The following TNS3 variants were observed in gnomAD, a reference collection of about 807,000 sequenced individuals.
TNS3 encodes tensin-3.
Under a neutral mutation model 140.9 loss-of-function variants are expected in TNS3, and 45 were observed. The observed-to-expected ratio is 0.32, with a 90% CI of 0.25 to 0.41. The LOEUF (loss-of-function observed/expected upper bound fraction) is 0.41, where lower values mean the gene tolerates loss of function less well. Among genes scored for constraint, TNS3 ranks in the 10% least tolerant of loss-of-function variants. TNS3 has a pLI of 1.00. For missense variants in TNS3, 1,716 were observed against 1,906.7 expected (o/e 0.90, Z 1.86); for synonymous variants, 815 against 788.4 (o/e 1.03, Z -0.56).
intron 17 of TNS3, among the ~76,000 whole-genome samples, chr7:47,362,849 C>G (rs1361418842): frequency 7.2e-6 from 1 of 139,622 alleles, no homozygotes; most frequent in South Asian, 2.4e-4. Context: ...GTCATCATCA[C>G]CATCACCATT....
intron 20 of TNS3, among the ~76,000 whole-genome samples, chr7:47,338,776 T>C (rs1788776427): frequency 6.6e-6 from 1 of 152,254 alleles, no homozygotes; most frequent in Admixed American, 6.5e-5. Context: ...AGGTCTTTGC[T>C]ATTGTGAATT....
intron 15 of TNS3, among the ~76,000 whole-genome samples, chr7:47,397,241 T>A (rs17626611): frequency 2.0e-5 from 3 of 152,030 alleles, no homozygotes; most frequent in African/African-American, 7.2e-5. Flanking sequence ...AGCCTCAGAG[T>A]CCACAGATTT....
chr7:47,413,509 A>G (rs2151422249), intron 12 of TNS3, among the ~76,000 whole-genome samples: 2 of 151,758 alleles, frequency 1.3e-5, no homozygotes, highest in African/African-American at 4.8e-5. Flanking sequence ...GGAGGCCGAG[A>G]CGGGTAGATC....
chr7:47,539,523 A>T, intron 1 of TNS3: 1 of 250,874 alleles, frequency 4.0e-6, no homozygotes, highest in Non-Finnish European at 7.8e-6. Flanking sequence ...CTTGCAATCT[A>T]GGCTCTTACA....
chr7:47,347,007 G>A (rs1029314490), intron 17 of TNS3, among the ~76,000 whole-genome samples: 5 of 152,086 alleles, frequency 3.3e-5, no homozygotes, highest in Admixed American at 3.3e-4. Flanking sequence ...AATGGGGGTC[G>A]GGCTGGGATC....
chr7:47,542,470 G>A (rs1432476998), intron 1 of TNS3, among the ~76,000 whole-genome samples: 1 of 152,168 alleles, frequency 6.6e-6, no homozygotes, highest in Non-Finnish European at 1.5e-5. Flanking sequence ...CCTAGCCTCA[G>A]TGCTCTGAAA....
chr7:47,506,172 C>A (rs1003285295), intron 3 of TNS3, among the ~76,000 whole-genome samples: 2 of 152,190 alleles, frequency 1.3e-5, no homozygotes, highest in African/African-American at 4.8e-5. Context: ...ACTGCTGACA[C>A]CCCGACTGCA....
chr7:47,577,461 C>G (rs9639986), intron 1 of TNS3, among the ~76,000 whole-genome samples: 46,462 of 152,042 alleles, frequency 0.31, 8,023 homozygotes, highest in East Asian at 0.54. Context: ...ACAGCAGGCA[C>G]GCCGCAGCTC....
intron 4 of TNS3, among the ~76,000 whole-genome samples, chr7:47,450,925 G>T (rs1310062846): frequency 6.6e-6 from 1 of 152,124 alleles, no homozygotes. Context: ...CACAAGGTCA[G>T]GAGTTCAAGA....
rs542532365 is a variant in TNS3 at position 47,525,519 on chromosome 7, G to A, written c.-153+3517C>T. On this transcript the variant is annotated intron_variant, in intron 2 of 30. Coordinates refer to ENST00000311160, the MANE Select transcript of TNS3 (RefSeq NM_022748.12). ...CTCTTCTCTTTCAAGAACAAAAGCTGCTCCTGTGTGCATGCACATTTTCTC... is the reference window on the plus strand; with the variant it reads ...CTCTTCTCTTTCAAGAACAAAAGCTACTCCTGTGTGCATGCACATTTTCTC... 2.0e-5 allele frequency among the ~76,000 whole-genome samples: 3 copies of A among 152,312 alleles called. No homozygotes were observed. The South Asian group carries it at 6.2e-4, about 32-fold the overall frequency.
chr7:47,562,812 C>G (rs1800344210), intron 1 of TNS3, among the ~76,000 whole-genome samples: 1 of 152,208 alleles, frequency 6.6e-6, no homozygotes. Flanking sequence ...ACGTACAAAA[C>G]AAGTAAAGTC....
intron 20 of TNS3, among the ~76,000 whole-genome samples, chr7:47,323,611 G>A (rs1279726578): frequency 6.6e-6 from 1 of 152,206 alleles, no homozygotes. Flanking sequence ...TATAGTTGGA[G>A]CAACTAGCAG....
At chr7:47,543,009 G>A (rs1464958688) in intron 1 of TNS3, among the ~76,000 whole-genome samples, 4 of 151,294 alleles carry the variant, frequency 2.6e-5, no homozygotes, top group Non-Finnish European at 5.9e-5. Context: ...TCAGCAAGTT[G>A]TTGCCAGCTC....
intron 5 of TNS3, 133 bp from the exon 6 acceptor site, chr7:47,439,791 G>A (rs927651288): frequency 4.6e-6 from 4 of 870,064 alleles, no homozygotes; most frequent in African/African-American, 3.3e-5. Context: ...CCAGCTACGG[G>A]AATTTACAGT....
chr7:47,531,156 C>T (rs1458204367), intron 1 of TNS3, among the ~76,000 whole-genome samples: 1 of 151,942 alleles, frequency 6.6e-6, no homozygotes, highest in Non-Finnish European at 1.5e-5. Flanking sequence ...CTATCGAGTA[C>T]TACGCTTATT....
chr7:47,292,151 G>GC, intron 26 of TNS3, 119 bp from the exon 27 acceptor site: 1 of 934,148 alleles, frequency 1.1e-6, no homozygotes, highest in Non-Finnish European at 1.6e-6. Flanking sequence ...TGGTTTTGCA[G>GC]AGTCAAGAGT....
At position 47,278,347 on chromosome 7, in the gene TNS3, C is replaced by T. The variant is rs1019074435; in HGVS notation, c.4194-127G>A. On this transcript the variant is annotated intron_variant, in intron 30 of 30. Transcript: ENST00000311160. ...GCACCTATCAAAAATCAACCACGTG[C>T]CCAGCACCCTGCTGGCCACCTGTTC... The T allele has an allele frequency of 8.3e-6, 9 of 1,088,020 alleles. No individual in the cohort carries two copies. In the East Asian group the frequency reaches 1.6e-4, roughly 19 times the overall value. 67.4% of individuals were successfully genotyped at this position (1,088,020 alleles called of 1,614,324 possible).
At chr7:47,459,346 T>C (rs915760297) in intron 4 of TNS3, among the ~76,000 whole-genome samples, 1 of 152,212 alleles carries the variant, frequency 6.6e-6, no homozygotes, top group Non-Finnish European at 1.5e-5. Flanking sequence ...ATACAAAACA[T>C]GAAACCCATT....
At chr7:47,525,781 T>C (rs1799169092) in intron 2 of TNS3, among the ~76,000 whole-genome samples, 1 of 152,188 alleles carries the variant, frequency 6.6e-6, no homozygotes, top group South Asian at 2.1e-4. Flanking sequence ...ACTGCACACA[T>C]AGCCATGCAT....
Sources: gnomAD v4.1 joint callset for allele counts (sites outside exome capture counted in the v4.1 genomes callset) on GRCh38, gnomAD v4.1.1 for gene constraint, MANE v1.5 for transcripts, NCBI Gene and HGNC (gene_info 2026-07-23, HGNC 2026-07-21) for gene names.